LIN28B: variants seen among roughly 807,000 people sequenced by gnomAD.
The protein encoded by LIN28B is lin-28 RNA binding posttranscriptional regulator B, also known as protein lin-28 homolog B.
LIN28B carries 5 observed loss-of-function variants against 21.9 expected under a neutral mutation model. That is an observed-to-expected ratio of 0.23 (90% CI 0.12 to 0.48). The LOEUF (loss-of-function observed/expected upper bound fraction) is 0.48. LIN28B is among the 20% of genes least tolerant of loss of function. The pLI, the probability that LIN28B is intolerant of heterozygous loss-of-function variation, is 0.98. For missense variants in LIN28B, 245 were observed against 310.5 expected (o/e 0.79, Z 1.58); for synonymous variants, 109 against 111.3 (o/e 0.98, Z 0.13).
At chr6:104,953,138 T>C (rs9404590), upstream of LIN28B, among the ~76,000 whole-genome samples, 1 of 152,042 alleles carries the variant, frequency 6.6e-6, no homozygotes, top group African/African-American at 2.4e-5. Flanking sequence ...GCGGGAGAGA[T>C]CTTGCCAGGG....
chr6:104,993,750 C>T (rs1199516820), intron 2 of LIN28B, among the ~76,000 whole-genome samples: 1 of 151,230 alleles, frequency 6.6e-6, no homozygotes, highest in Non-Finnish European at 1.5e-5. Flanking sequence ...CACAAGAATC[C>T]CTTTAACCTG....
In LIN28B at chr6:105,078,714, G is replaced by A. The variant is rs1489028495; in HGVS notation, c.684G>A (p.Thr228=). 3.7e-6 allele frequency: 6 copies of A among 1,614,028 alleles called. No homozygotes were observed. Among genetic ancestry groups the A allele is most frequent in the South Asian group, 3.3e-5 (3 of 91,072 alleles). The change falls in exon 4 of 4, where the codon ACG becomes ACA. Residue 228 remains threonine (T), a synonymous_variant. Transcript: ENST00000345080. ...SGRSPQEASS[T]KSSIAPEEQS... The stretch of plus-strand genomic sequence containing the variant: ...GGTCACCTCAAGAAGCTTCCTCCAC[G>A]AAGTCATCTATAGCACCAGAAGAGC...
intron 3 of LIN28B, among the ~76,000 whole-genome samples, chr6:105,052,182 A>G (rs1222271980): frequency 6.6e-6 from 1 of 152,210 alleles, no homozygotes; most frequent in Non-Finnish European, 1.5e-5. Flanking sequence ...GACTGAGTGA[A>G]TTGATTGATG....
intron 3 of LIN28B, among the ~76,000 whole-genome samples, chr6:105,057,729 A>G (rs1186445230): frequency 6.6e-6 from 1 of 151,490 alleles, no homozygotes; most frequent in East Asian, 1.9e-4. Flanking sequence ...TTTACTATAA[A>G]TTACTTTTTT....
At chr6:105,029,899 A>T (rs995041117) in intron 3 of LIN28B, among the ~76,000 whole-genome samples, 5 of 152,188 alleles carry the variant, frequency 3.3e-5, no homozygotes, top group Admixed American at 2.6e-4. Context: ...GAGTGAAGAC[A>T]TTGAAAAGGT....
intron 3 of LIN28B, among the ~76,000 whole-genome samples, chr6:105,052,417 T>G (rs531473347): frequency 1.3e-5 from 2 of 152,228 alleles, no homozygotes; most frequent in African/African-American, 4.8e-5. Context: ...GCAAGTGCCC[T>G]CTTGATGTGT....
intron 3 of LIN28B, among the ~76,000 whole-genome samples, chr6:105,035,094 A>G (rs1413576805): frequency 6.6e-6 from 1 of 151,974 alleles, no homozygotes. Flanking sequence ...GAAATCTAGT[A>G]TTATATTTTT....
intron 2 of LIN28B, chr6:104,941,069 G>C (rs987780028): frequency 6.6e-6 from 1 of 152,200 alleles, no homozygotes; most frequent in Non-Finnish European, 1.5e-5. Flanking sequence ...GTGCGTGCGG[G>C]TGCGGACGCC....
chr6:105,071,330 C>T (rs1449984133), intron 3 of LIN28B, among the ~76,000 whole-genome samples: 1 of 152,114 alleles, frequency 6.6e-6, no homozygotes, highest in Non-Finnish European at 1.5e-5. Context: ...CATGTCAATA[C>T]ATATAAATTT....
chr6:104,953,313 G>A (rs1213517026), upstream of LIN28B, among the ~76,000 whole-genome samples: 1 of 152,172 alleles, frequency 6.6e-6, no homozygotes, highest in African/African-American at 2.4e-5. Context: ...GCATGGCCCG[G>A]TGGGGGTGGG....
chr6:105,057,292 G>A (rs758166050), intron 3 of LIN28B, among the ~76,000 whole-genome samples: 15 of 151,986 alleles, frequency 9.9e-5, no homozygotes, highest in Non-Finnish European at 1.6e-4. Flanking sequence ...TTTTATATAC[G>A]TGACACTGAA....
At chr6:105,016,258 TA>T (rs1771022718) in intron 2 of LIN28B, among the ~76,000 whole-genome samples, 1 of 152,086 alleles carries the variant, frequency 6.6e-6, no homozygotes, top group Admixed American at 6.6e-5. Context: ...AAAAACAAAA[TA>T]CTCTATCATA....
At chr6:104,986,087 G>A (rs1369821512) in intron 2 of LIN28B, among the ~76,000 whole-genome samples, 1 of 152,112 alleles carries the variant, frequency 6.6e-6, no homozygotes, top group Non-Finnish European at 1.5e-5. Context: ...TCTTGTGATA[G>A]TGGGTGAGTT....
chr6:104,985,519 TA>T (rs1369345443), intron 2 of LIN28B, among the ~76,000 whole-genome samples: 3 of 152,236 alleles, frequency 2.0e-5, no homozygotes, highest in Admixed American at 6.5e-5. Context: ...CTTGATATGA[TA>T]CAGTTTTTAT....
intron 2 of LIN28B, among the ~76,000 whole-genome samples, chr6:105,013,463 T>C (rs1171345966): frequency 2.0e-5 from 3 of 151,966 alleles, no homozygotes; most frequent in Non-Finnish European, 2.9e-5. Flanking sequence ...TCTGGCCAAG[T>C]GCAGTGGCTC....
At chr6:105,014,341 CG>C (rs2114314679) in intron 2 of LIN28B, among the ~76,000 whole-genome samples, 1 of 152,168 alleles carries the variant, frequency 6.6e-6, no homozygotes, top group African/African-American at 2.4e-5. Context: ...TTTTTTGAGA[CG>C]GAGTTTCACT....
intron 3 of LIN28B, among the ~76,000 whole-genome samples, chr6:105,034,030 A>G (rs1489686109): frequency 6.6e-6 from 1 of 151,854 alleles, no homozygotes; most frequent in Non-Finnish European, 1.5e-5. Flanking sequence ...TATAGTTTAA[A>G]TGTTTTTACT....
rs1282921592 is a variant in LIN28B, at chr6:105,034,109, T to C, written c.383+7627T>C. Among the ~76,000 whole-genome samples, 6 of 152,046 alleles carry C rather than the reference T, an allele frequency of 3.9e-5. No homozygotes were observed. The South Asian group carries it at 1.2e-3, about 31-fold the overall frequency. On this transcript the variant is annotated intron_variant, in intron 3 of 3. Transcript: ENST00000345080. Reference sequence around the variant, plus strand: ...ACAAAGTGCATGGATATGTAGTGTATATGTTGGTTGTATACATATAGCTTT... The same window carrying C: ...ACAAAGTGCATGGATATGTAGTGTACATGTTGGTTGTATACATATAGCTTT...
intron 2 of LIN28B, among the ~76,000 whole-genome samples, chr6:104,945,641 GCTTT>G (rs1416737761): frequency 1.3e-5 from 2 of 151,932 alleles, no homozygotes; most frequent in Non-Finnish European, 2.9e-5. Flanking sequence ...AACCACTATC[GCTTT>G]CTTTTACTTT....
Sources: allele counts gnomAD v4.1 joint callset (sites outside exome capture counted in the v4.1 genomes callset), GRCh38; gene constraint gnomAD v4.1.1; transcripts MANE v1.5; gene names NCBI Gene and HGNC (gene_info 2026-07-23, HGNC 2026-07-21).